The following CCL26 variants were observed in gnomAD, a reference collection of about 807,000 sequenced individuals.
The protein encoded by CCL26 is C-C motif chemokine ligand 26.
In CCL26, 10 loss-of-function variants were observed where a neutral mutation model predicts 10.7. The observed-to-expected ratio is 0.93, with a 90% CI of 0.57 to 1.58. The LOEUF is 1.58. Ranked by LOEUF, CCL26 falls within the 40% of genes most tolerant of loss-of-function variation. The pLI, the probability that CCL26 is intolerant of heterozygous loss-of-function variation, is 0.00. For synonymous variants in CCL26, 43 were observed against 41.4 expected (o/e 1.04, Z -0.15); for missense variants, 116 against 111.0 (o/e 1.05, Z -0.20).
chr7:75,782,451 G>A (rs533454188), intron 1 of CCL26, among the ~76,000 whole-genome samples: 17 of 152,110 alleles, frequency 1.1e-4, no homozygotes, highest in African/African-American at 3.6e-4. Flanking sequence ...GCAGCCCAGG[G>A]CTGCTCCCCA....
chr7:75,791,390 C>T (rs782061499), upstream of CCL26, among the ~76,000 whole-genome samples: 11 of 152,108 alleles, frequency 7.2e-5, no homozygotes, highest in Non-Finnish European at 1.3e-4. Flanking sequence ...CCCTTGATGT[C>T]AGCCCATAGC....
intron 1 of CCL26, among the ~76,000 whole-genome samples, chr7:75,780,836 C>T (rs533282650): frequency 2.8e-4 from 42 of 152,294 alleles, no homozygotes; most frequent in Non-Finnish European, 5.6e-4. Flanking sequence ...TTTCCTCAGC[C>T]TCCGCTCCCC....
At chr7:75,781,140 T>C (rs1253350404) in intron 1 of CCL26, among the ~76,000 whole-genome samples, 1 of 152,186 alleles carries the variant, frequency 6.6e-6, no homozygotes, top group African/African-American at 2.4e-5. Context: ...GCCGTCTTAT[T>C]CTCAATTTAC....
Position 75,772,136 on chromosome 7 carries a change from G to A in CCL26, c.41C>T (p.Ser14Phe). The A allele has an allele frequency of 1.3e-6, 2 of 1,559,886 alleles. No homozygotes were observed. Among genetic ancestry groups the A allele is most frequent in the Non-Finnish European group, 1.7e-6 (2 of 1,151,614 alleles). ...AGTTCCAAGGTGGAGACTCAGGAGG[G>A]AGGCCAGGAGCACAGCAGAGGCCAA... ...LSLASAVLLA[S>F]LLSLHLGTAT... Residue 14 changes from serine to phenylalanine, a missense_variant, in exon 1 of 3, where the codon TCC becomes TTC. Transcript: ENST00000005180.
chr7:75,781,852 GC>G (rs1803071513), intron 1 of CCL26, among the ~76,000 whole-genome samples: 4 of 151,998 alleles, frequency 2.6e-5, no homozygotes, highest in Admixed American at 2.6e-4. Flanking sequence ...TTCGGACTCA[GC>G]CCACCTGCAC....
downstream of CCL26, chr7:75,769,525 T>C (rs372187069): frequency 6.2e-5 from 29 of 468,962 alleles, no homozygotes; most frequent in East Asian, 7.2e-4. Context: ...AAAAATGTTA[T>C]GAACAAGTCA....
chr7:75,787,361 C>T (rs1013550866), intron 1 of CCL26, among the ~76,000 whole-genome samples: 2 of 152,060 alleles, frequency 1.3e-5, no homozygotes, highest in Non-Finnish European at 2.9e-5. Flanking sequence ...ACACACCTCA[C>T]CAGCCGGGCA....
At chr7:75,777,536 C>G (rs1272746881) in intron 1 of CCL26, among the ~76,000 whole-genome samples, 4 of 151,554 alleles carry the variant, frequency 2.6e-5, no homozygotes, top group African/African-American at 9.7e-5. Context: ...TCGCTTGAGC[C>G]CAGTAGTTGG....
upstream of CCL26, among the ~76,000 whole-genome samples, chr7:75,776,907 C>A (rs1802954158): frequency 6.6e-6 from 1 of 152,066 alleles, no homozygotes; most frequent in Non-Finnish European, 1.5e-5. Flanking sequence ...TATAATCGAG[C>A]AATTCCACTC....
chr7:75,778,542 A>T (rs1802990116), intron 1 of CCL26, among the ~76,000 whole-genome samples: 1 of 123,846 alleles, frequency 8.1e-6, no homozygotes, highest in African/African-American at 3.2e-5. Flanking sequence ...TTCTCTAATG[A>T]TTAGTGATGT....
At chr7:75,783,595 C>G (rs1396319967) in intron 1 of CCL26, among the ~76,000 whole-genome samples, 2 of 151,968 alleles carry the variant, frequency 1.3e-5, no homozygotes, top group Non-Finnish European at 2.9e-5. Context: ...GTCAGGAGAT[C>G]GAGACTACGG....
upstream of CCL26, among the ~76,000 whole-genome samples, chr7:75,774,748 T>A (rs1184186117): frequency 1.3e-5 from 1 of 76,652 alleles, no homozygotes; most frequent in African/African-American, 7.3e-5. Context: ...ACCCGGCCTA[T>A]TTTTTTTAAT....
chr7:75,781,810 C>G (rs370360551), intron 1 of CCL26, among the ~76,000 whole-genome samples: 1 of 152,030 alleles, frequency 6.6e-6, no homozygotes, highest in Admixed American at 6.6e-5. Flanking sequence ...TATAAAACAG[C>G]CCCACCCCTA....
At chr7:75,787,900 C>G (rs1359870236) in intron 1 of CCL26, among the ~76,000 whole-genome samples, 1 of 152,026 alleles carries the variant, frequency 6.6e-6, no homozygotes, top group Non-Finnish European at 1.5e-5. Context: ...TCAATTCATA[C>G]AGAACGGCAT....
At chr7:75,772,334 C>T (rs890184223), upstream of CCL26, 6 of 619,606 alleles carry the variant, frequency 9.7e-6, no homozygotes, top group Admixed American at 8.7e-5. Context: ...TAAACTAATA[C>T]TCATAGGAAT....
At chr7:75,788,085 C>T (rs1268637345) in intron 1 of CCL26, among the ~76,000 whole-genome samples, 2 of 151,976 alleles carry the variant, frequency 1.3e-5, no homozygotes, top group Admixed American at 1.3e-4. Context: ...CTCTCCATAC[C>T]ACCCCCAAAA....
At chr7:75,773,618 G>A (rs571883313), upstream of CCL26, among the ~76,000 whole-genome samples, 4 of 152,104 alleles carry the variant, frequency 2.6e-5, no homozygotes, top group South Asian at 8.3e-4. Flanking sequence ...GCTCACGCCT[G>A]TAATCCCAGC....
chr7:75,781,033 G>T (rs782309581), intron 1 of CCL26, among the ~76,000 whole-genome samples: 1 of 152,082 alleles, frequency 6.6e-6, no homozygotes, highest in Admixed American at 6.6e-5. Context: ...TAGCATTTAG[G>T]CTCTTTCATC....
At chr7:75,789,137 G>T (rs1186271097) in intron 1 of CCL26, among the ~76,000 whole-genome samples, 5 of 148,250 alleles carry the variant, frequency 3.4e-5, no homozygotes, top group African/African-American at 1.2e-4. Flanking sequence ...GGGCGGGGGG[G>T]TCTCTCTGTG....
Sources: allele counts gnomAD v4.1 joint callset (sites outside exome capture counted in the v4.1 genomes callset), GRCh38; gene constraint gnomAD v4.1.1; transcripts MANE v1.5; gene names NCBI Gene and HGNC (gene_info 2026-07-23, HGNC 2026-07-21).